The following CLCN7 variants were observed in gnomAD, a reference collection of about 807,000 sequenced individuals.
CLCN7 encodes the protein H(+)/Cl(-) exchange transporter 7.
Under a neutral mutation model 102.1 loss-of-function variants are expected in CLCN7, and 60 were observed. The observed-to-expected ratio is 0.59, with a 90% CI of 0.48 to 0.73. The LOEUF (loss-of-function observed/expected upper bound fraction) is 0.73, where lower values mean the gene tolerates loss of function less well. CLCN7 is among the 30% of genes least tolerant of loss of function. CLCN7 has a pLI of 0.00. For missense variants in CLCN7, 962 were observed against 1,125.7 expected (o/e 0.85, Z 2.08); for synonymous variants, 560 against 490.5 (o/e 1.14, Z -1.87).
chr16:1,468,300 C>G (rs74002273), intron 1 of CLCN7, among the ~76,000 whole-genome samples: 9,881 of 152,234 alleles, frequency 0.065, 544 homozygotes, highest in African/African-American at 0.14. Flanking sequence ...CTTGGCAGAT[C>G]CGAGAGGGGT....
rs1240610812 is a variant in CLCN7 at position 1,455,218 on chromosome 16, C to T, written c.1014G>A (p.Leu338=). The change falls in exon 12 of 25, where the codon CTG becomes CTA. Residue 338 remains leucine, a synonymous_variant. Coordinates refer to ENST00000382745, the MANE Select transcript of CLCN7 (RefSeq NM_001287.6). Reference sequence around the variant, plus strand: ...CGTGGTAAATGCTCAGAACAAAATTCAGGGTGAACGTGGAGATCATGGAAG... The same window carrying T: ...CGTGGTAAATGCTCAGAACAAAATTTAGGGTGAACGTGGAGATCATGGAAG... ...FFASMISTFT[L]NFVLSIYHGN... 8 of 1,613,520 alleles carry T rather than the reference C, an allele frequency of 5.0e-6. 1 individual carries two copies. In the South Asian group the frequency reaches 8.8e-5, roughly 18 times the overall value.
chr16:1,456,018 C>T, intron 10 of CLCN7, 95 bp downstream of exon 10: 1 of 1,164,274 alleles, frequency 8.6e-7, no homozygotes, highest in Non-Finnish European at 1.2e-6. Flanking sequence ...AAGCCTCTGC[C>T]ACCCTCAGCG....
In CLCN7 at chr16:1,455,730, C is replaced by T. The variant is rs111940275; in HGVS notation, c.981+1G>A. 4 of 1,613,530 alleles carry T rather than the reference C, an allele frequency of 2.5e-6. No individual in the cohort carries two copies. Among genetic ancestry groups the T allele is most frequent in the South Asian group, 1.1e-5 (1 of 91,076 alleles). On this transcript the variant is annotated splice_donor_variant, in intron 11 of 24. Coordinates refer to ENST00000382745, the MANE Select transcript of CLCN7 (RefSeq NM_001287.6). LOFTEE classifies it high-confidence loss of function. ...GGAGGCAGCCATCAGCAGGAACTTACGATCCTCCAGGTCAGGAACTGGTTC... is the reference window on the plus strand; with the variant it reads ...GGAGGCAGCCATCAGCAGGAACTTATGATCCTCCAGGTCAGGAACTGGTTC...
Position 1,457,820 on chromosome 16 carries a change from G to C in CLCN7, c.676-64C>G. ...CAGGCGCTGTCTTTGGACCTGAGCC[G>C]TAAAACAGCACACACAGCCCCGATC... On this transcript the variant is annotated intron_variant, in intron 7 of 24. Transcript: ENST00000382745. The surrounding 1 kb of genome is among the most constrained non-coding windows in gnomAD (Gnocchi z 5.4). 6.7e-7 allele frequency: 1 copy of C among 1,499,706 alleles called. No individual in the cohort carries two copies. Among genetic ancestry groups the C allele is most frequent in the South Asian group, 1.1e-5 (1 of 88,704 alleles). The allele number at this position is 1,499,706 out of a possible 1,614,324, so 92.9% of individuals were successfully genotyped here.
intron 1 of CLCN7, among the ~76,000 whole-genome samples, chr16:1,467,262 AG>A (rs1409529227): frequency 6.6e-6 from 1 of 152,162 alleles, no homozygotes; most frequent in Non-Finnish European, 1.5e-5. Context: ...AGAGTGTGGG[AG>A]GGGCTAGAGT....
intron 9 of CLCN7, among the ~76,000 whole-genome samples, chr16:1,456,855 T>A (rs1320678764): frequency 1.2e-4 from 18 of 146,488 alleles, no homozygotes; most frequent in African/African-American, 2.7e-4. Flanking sequence ...AAAAAAAAAA[T>A]ACAATCACAC....
chr16:1,450,294 G>C lies in CLCN7; in HGVS notation c.1617+203C>G, dbSNP rs536246515. The C allele has an allele frequency of 1.8e-5, 10 of 551,014 alleles. No homozygotes were observed. In the East Asian group the frequency reaches 2.5e-4, roughly 14 times the overall value. The allele number at this position is 551,014 out of a possible 1,614,324, so 34.1% of individuals were successfully genotyped here. A position where few individuals can be genotyped will look rare whatever the true frequency, so the allele number is the denominator to read the frequency against. The stretch of plus-strand genomic sequence containing the variant: ...TCGCCTGGTCCAGACTCCACACATG[G>C]GCTGCGCTGCCACAGTACACGCTGC... On this transcript the variant is annotated intron_variant, in intron 17 of 24. Coordinates refer to ENST00000382745, the MANE Select transcript of CLCN7 (RefSeq NM_001287.6).
At position 1,474,989 on chromosome 16, in the gene CLCN7, C is replaced by T; in HGVS notation, c.-15G>A. On this transcript the variant is annotated 5_prime_UTR_variant, in exon 1 of 25. Transcript: ENST00000382745. ...ACGTTGGCCATGGCCCGCCGCGGAG[C>T]GACACCGGCCGGGAAGCGCCGGCTG... 1.4e-6 allele frequency: 2 copies of T among 1,465,308 alleles called. No homozygotes were observed. The highest frequency in any genetic ancestry group is 1.8e-6 in the Non-Finnish European group (2 of 1,109,986). The allele number at this position is 1,465,308 out of a possible 1,614,324, so 90.8% of individuals were successfully genotyped here.
In CLCN7 at chr16:1,451,120, C is replaced by T. The variant is rs569661571; in HGVS notation, c.1448-454G>A. 3.9e-5 allele frequency among the ~76,000 whole-genome samples: 6 copies of T among 152,344 alleles called. No homozygotes were observed. In the South Asian group the frequency reaches 1.2e-3, roughly 32 times the overall value. On this transcript the variant is annotated intron_variant, in intron 16 of 24. Transcript: ENST00000382745. Reference sequence around the variant, plus strand: ...CACAACTGCAGAGGTGAAAGGCCGGCACTCCAAGGTCGCGGTCTGCGCTTC... The same window carrying T: ...CACAACTGCAGAGGTGAAAGGCCGGTACTCCAAGGTCGCGGTCTGCGCTTC...
At chr16:1,446,871 A>G in intron 24 of CLCN7, 135 bp downstream of exon 24, 1 of 1,124,440 alleles carries the variant, frequency 8.9e-7, no homozygotes. Context: ...GGAGGGGTGC[A>G]GCCATGGGGC....
intron 23 of CLCN7, 84 bp from the exon 24 acceptor site, chr16:1,447,170 C>T (rs1432576626): frequency 1.5e-6 from 2 of 1,360,102 alleles, no homozygotes; most frequent in South Asian, 2.5e-5. Flanking sequence ...CCTGCACCCC[C>T]CACCACGGCG....
chr16:1,454,805 A>G (rs554296632), intron 12 of CLCN7, among the ~76,000 whole-genome samples: 1 of 152,324 alleles, frequency 6.6e-6, no homozygotes, highest in Admixed American at 6.5e-5. Flanking sequence ...TCCCCAGCCC[A>G]GGCCCCAGGC....
At position 1,457,089 on chromosome 16, in the gene CLCN7, G is replaced by A. The variant is rs547462246; in HGVS notation, c.822+165C>T. Among the ~76,000 whole-genome samples the A allele has an allele frequency of 5.2e-4, 79 of 152,260 alleles. No homozygotes were observed. Among genetic ancestry groups the A allele is most frequent in the Admixed American group, 1.4e-3 (22 of 15,298 alleles). ...CAGCGGGCCGTAGGGAGGCCTTGCC[G>A]GGCAGGGACTGTGCCCGCTGGCTCT... On this transcript the variant is annotated intron_variant, in intron 9 of 24. Transcript: ENST00000382745. The surrounding 1 kb of genome is among the most constrained non-coding windows in gnomAD (Gnocchi z 5.4).
chr16:1,448,553 G>C, intron 20 of CLCN7, 69 bp from the exon 21 acceptor site: 1 of 1,602,402 alleles, frequency 6.2e-7, no homozygotes, highest in Admixed American at 1.7e-5. Context: ...TCTGCGGGCT[G>C]GTGAGGTGTG....
rs1365044205 is a variant in CLCN7 at position 1,449,450 on chromosome 16, C to T, written c.1618-123G>A. 13 of 845,952 alleles carry T rather than the reference C, an allele frequency of 1.5e-5. No individual in the cohort carries two copies. In the Admixed American group the frequency reaches 1.8e-4, roughly 12 times the overall value. The allele number at this position is 845,952 out of a possible 1,614,324, so 52.4% of individuals were successfully genotyped here. ...CACAGCCAGGAACAAACCTCGTGGC[C>T]GCGTACATACACACAGAACAACCTA... On this transcript the variant is annotated intron_variant, in intron 17 of 24. Transcript: ENST00000382745.
intron 11 of CLCN7, 190 bp from the exon 12 acceptor site, chr16:1,455,440 C>T: frequency 1.5e-6 from 1 of 657,738 alleles, no homozygotes; most frequent in Non-Finnish European, 2.7e-6. Flanking sequence ...GCCCAGCCCT[C>T]TCTGGACTTG....
At chr16:1,465,614 C>T (rs1213169106) in intron 1 of CLCN7, among the ~76,000 whole-genome samples, 2 of 152,198 alleles carry the variant, frequency 1.3e-5, no homozygotes, top group Admixed American at 1.3e-4. Context: ...GAAAGCGAGG[C>T]ACCTGCCACC....
intron 1 of CLCN7, among the ~76,000 whole-genome samples, chr16:1,465,910 C>G (rs1030177983): frequency 2.0e-5 from 3 of 152,350 alleles, no homozygotes; most frequent in African/African-American, 7.2e-5. Flanking sequence ...GGGCAGCGGG[C>G]CCTGGGTGGC....
At position 1,459,419 on chromosome 16, in the gene CLCN7, C is replaced by A. The variant is rs77407812; in HGVS notation, c.595-232G>T. On this transcript the variant is annotated intron_variant, in intron 6 of 24. Coordinates refer to ENST00000382745, the MANE Select transcript of CLCN7 (RefSeq NM_001287.6). ...ACGTCGGGGCCCCAGGGAAGGGGAGCTCAGCACACACGTCGGGGCATCAGG... is the reference window on the plus strand; with the variant it reads ...ACGTCGGGGCCCCAGGGAAGGGGAGATCAGCACACACGTCGGGGCATCAGG... 485 of 319,988 alleles carry A rather than the reference C, an allele frequency of 1.5e-3. 17 individuals carry two copies. Among genetic ancestry groups the A allele is most frequent in the South Asian group, 3.1e-3 (97 of 31,580 alleles). The allele number at this position is 319,988 out of a possible 1,614,324, so 19.8% of individuals were successfully genotyped here.
Sources: allele counts gnomAD v4.1 joint callset (sites outside exome capture counted in the v4.1 genomes callset), GRCh38; gene constraint gnomAD v4.1.1; non-coding constraint Gnocchi (gnomAD v3.1); transcripts MANE v1.5; gene names NCBI Gene and HGNC (gene_info 2026-07-23, HGNC 2026-07-21).